The following SH3RF3 variants were observed in gnomAD, a reference collection of about 807,000 sequenced individuals.
SH3RF3 encodes SH3 domain containing ring finger 3, also known as E3 ubiquitin-protein ligase SH3RF3.
SH3RF3 carries 29 observed loss-of-function variants against 66.3 expected under a neutral mutation model. The ratio of observed to expected loss-of-function variants is 0.44; its 90% CI spans 0.33 to 0.60. The LOEUF (loss-of-function observed/expected upper bound fraction) is 0.60, where lower values mean the gene tolerates loss of function less well. Ranked by LOEUF, SH3RF3 falls within the 20% of genes least tolerant of loss-of-function variation. The probability of loss-of-function intolerance (pLI) is 0.04; values close to 1 mark genes in which losing one functional copy is unlikely to be tolerated. For synonymous variants in SH3RF3, 583 were observed against 532.0 expected (o/e 1.10, Z -1.32); for missense variants, 1,194 against 1,190.9 (o/e 1.00, Z -0.04).
rs537730943 is a variant in SH3RF3, at chr2:109,311,631, G to A, written c.574-36043G>A. Reference sequence around the variant, plus strand: ...TTCCTAAAAGCAATGGCCCTTGATGGCAAGACTGAAGGACTGCTGAGCACT... The same window carrying A: ...TTCCTAAAAGCAATGGCCCTTGATGACAAGACTGAAGGACTGCTGAGCACT... On this transcript the variant is annotated intron_variant, in intron 1 of 9. Coordinates refer to ENST00000309415, the MANE Select transcript of SH3RF3 (RefSeq NM_001099289.3). Among the ~76,000 whole-genome samples, 18 of 152,312 alleles carry A rather than the reference G, an allele frequency of 1.2e-4. No individual in the cohort carries two copies. In the South Asian group the frequency reaches 3.5e-3, roughly 30 times the overall value.
intron 4 of SH3RF3, among the ~76,000 whole-genome samples, chr2:109,406,848 C>T (rs1392845457): frequency 6.6e-6 from 1 of 152,046 alleles, no homozygotes; most frequent in Non-Finnish European, 1.5e-5. Context: ...TTTCAGTGGT[C>T]GAAGCCAATC....
chr2:109,170,235 TTCTTTTCTTTTCTCTTCTC>T (rs1677730845), intron 1 of SH3RF3, among the ~76,000 whole-genome samples: 28 of 37,886 alleles, frequency 7.4e-4, no homozygotes, highest in African/African-American at 1.4e-3. Flanking sequence ...TTCTCTTCTC[TTCTTTTCTTTTCTCTTCTC>T]TTCTCTTCTC....
At chr2:109,137,178 A>G (rs987909383) in intron 1 of SH3RF3, among the ~76,000 whole-genome samples, 6 of 152,224 alleles carry the variant, frequency 3.9e-5, no homozygotes, top group African/African-American at 1.4e-4. Context: ...ATTTCTAATG[A>G]GGAAAGTGGT....
intron 1 of SH3RF3, among the ~76,000 whole-genome samples, chr2:109,189,361 G>A (rs910681354): frequency 7.8e-6 from 1 of 128,824 alleles, no homozygotes; most frequent in African/African-American, 2.8e-5. Context: ...GTGTTCAGTC[G>A]TTTGACTTTT....
At chr2:109,185,317 T>G (rs1300430454) in intron 1 of SH3RF3, among the ~76,000 whole-genome samples, 1 of 152,210 alleles carries the variant, frequency 6.6e-6, no homozygotes, top group Non-Finnish European at 1.5e-5. Context: ...CTCAGTGTGT[T>G]TGCATATTTT....
chr2:109,479,606 G>C (rs545353369), intron 8 of SH3RF3, among the ~76,000 whole-genome samples: 1 of 152,310 alleles, frequency 6.6e-6, no homozygotes, highest in South Asian at 2.1e-4. Flanking sequence ...GCCCGTACAG[G>C]ACTGGCAGCC....
chr2:109,488,684 C>A (rs149947102), intron 8 of SH3RF3, among the ~76,000 whole-genome samples: 3 of 152,314 alleles, frequency 2.0e-5, no homozygotes, highest in African/African-American at 7.2e-5. Context: ...GTTGTGCCGC[C>A]AACAAGAGTT....
At chr2:109,224,358 G>C (rs1036927071) in intron 1 of SH3RF3, among the ~76,000 whole-genome samples, 1 of 152,204 alleles carries the variant, frequency 6.6e-6, no homozygotes, top group Admixed American at 6.5e-5. Context: ...ACGCATGTGG[G>C]ATTTTGATTG....
chr2:109,155,662 C>T (rs1677329782), intron 1 of SH3RF3, among the ~76,000 whole-genome samples: 1 of 152,176 alleles, frequency 6.6e-6, no homozygotes, highest in African/African-American at 2.4e-5. Context: ...AGTGCCTGGC[C>T]TGTAACTCCA....
intron 1 of SH3RF3, among the ~76,000 whole-genome samples, chr2:109,282,299 C>T (rs1481281491): frequency 2.3e-5 from 3 of 129,310 alleles, no homozygotes; most frequent in Non-Finnish European, 5.2e-5. Context: ...TTTAGTCTAA[C>T]GTGTTCATAA....
intron 3 of SH3RF3, among the ~76,000 whole-genome samples, chr2:109,391,043 G>C (rs1346950970): frequency 6.6e-6 from 1 of 152,216 alleles, no homozygotes; most frequent in African/African-American, 2.4e-5. Flanking sequence ...CATGGGACCA[G>C]CCTGCACCTG....
intron 1 of SH3RF3, among the ~76,000 whole-genome samples, chr2:109,304,855 G>A (rs971373426): frequency 6.6e-6 from 1 of 152,140 alleles, no homozygotes; most frequent in Non-Finnish European, 1.5e-5. Context: ...GGAAATGGGA[G>A]CTCAGAGAGC....
At chr2:109,451,077 C>T (rs1677854446) in intron 8 of SH3RF3, among the ~76,000 whole-genome samples, 3 of 152,220 alleles carry the variant, frequency 2.0e-5, no homozygotes, top group Non-Finnish European at 2.9e-5. Flanking sequence ...CACCAGGTTC[C>T]GCAGGGCCTC....
At chr2:109,205,002 G>T (rs750668235) in intron 1 of SH3RF3, among the ~76,000 whole-genome samples, 61 of 152,256 alleles carry the variant, frequency 4.0e-4, no homozygotes, top group South Asian at 8.3e-4. Flanking sequence ...GAAGCCAGGA[G>T]GTTGAGACCG....
At chr2:109,193,882 T>C (rs17035118) in intron 1 of SH3RF3, among the ~76,000 whole-genome samples, 5,309 of 152,282 alleles carry the variant, frequency 0.035, 308 homozygotes, top group African/African-American at 0.12. Flanking sequence ...AATCTCCGTT[T>C]ACAGGGTTTG....
chr2:109,233,812 C>T (rs1679579254), intron 1 of SH3RF3, among the ~76,000 whole-genome samples: 1 of 152,242 alleles, frequency 6.6e-6, no homozygotes. Flanking sequence ...GAGTATGTAG[C>T]TCTTGAGTCT....
chr2:109,221,992 A>C (rs933546407), intron 1 of SH3RF3, among the ~76,000 whole-genome samples: 3 of 152,084 alleles, frequency 2.0e-5, no homozygotes, highest in African/African-American at 4.8e-5. Context: ...AAAAAAAAAA[A>C]ACACAGGGGA....
intron 8 of SH3RF3, among the ~76,000 whole-genome samples, chr2:109,450,909 AC>A (rs1160295080): frequency 1.3e-5 from 2 of 152,240 alleles, no homozygotes; most frequent in Non-Finnish European, 2.9e-5. Context: ...CACCCTGGAC[AC>A]TAGATGGTGT....
At chr2:109,133,048 A>T (rs1676733574) in intron 1 of SH3RF3, among the ~76,000 whole-genome samples, 1 of 152,240 alleles carries the variant, frequency 6.6e-6, no homozygotes, top group African/African-American at 2.4e-5. Flanking sequence ...ATTATAGGTA[A>T]ACAAGACTGG....
Sources: gnomAD v4.1 joint callset for allele counts (sites outside exome capture counted in the v4.1 genomes callset) on GRCh38, gnomAD v4.1.1 for gene constraint, MANE v1.5 for transcripts, NCBI Gene and HGNC (gene_info 2026-07-23, HGNC 2026-07-21) for gene names.